CALB2: variants seen among roughly 807,000 people sequenced by gnomAD.
CALB2 encodes calretinin.
In CALB2, 34 loss-of-function variants were observed where a neutral mutation model predicts 45.9. That is an observed-to-expected ratio of 0.74 (90% confidence interval 0.56 to 0.99). The LOEUF is 0.99. Ranked by LOEUF, CALB2 falls within the 50% of genes least tolerant of loss-of-function variation. CALB2 has a pLI of 0.00. For synonymous variants in CALB2, 142 were observed against 129.6 expected (o/e 1.10, Z -0.65); for missense variants, 344 against 339.3 (o/e 1.01, Z -0.11).
chr16:71,361,904 C>A (rs954597623), intron 1 of CALB2, among the ~76,000 whole-genome samples: 1 of 152,140 alleles, frequency 6.6e-6, no homozygotes, highest in African/African-American at 2.4e-5. Context: ...GAAGGGGGAA[C>A]CAGGAATCTG....
At chr16:71,372,112 T>C in intron 1 of CALB2, 41 bp from the exon 2 acceptor site, 1 of 1,190,214 alleles carries the variant, frequency 8.4e-7, no homozygotes, top group South Asian at 1.2e-5. Flanking sequence ...CCCCCCTTAC[T>C]ATTTAGTGCT....
chr16:71,383,150 C>T (rs963259891), intron 5 of CALB2, among the ~76,000 whole-genome samples: 1 of 152,136 alleles, frequency 6.6e-6, no homozygotes, highest in Non-Finnish European at 1.5e-5. Context: ...CAATCTCTAG[C>T]GCCTATTCTG....
intron 4 of CALB2, among the ~76,000 whole-genome samples, chr16:71,381,597 G>T (rs1013450315): frequency 6.6e-6 from 1 of 152,100 alleles, no homozygotes; most frequent in Non-Finnish European, 1.5e-5. Flanking sequence ...GGAGGCAGGG[G>T]ATAAGATGTA....
At chr16:71,388,732 G>A (rs2042600201) in intron 10 of CALB2, among the ~76,000 whole-genome samples, 1 of 151,756 alleles carries the variant, frequency 6.6e-6, no homozygotes, top group South Asian at 2.1e-4. Flanking sequence ...TGTAATCACA[G>A]CACTTTGGGA....
chr16:71,384,987 C>T, intron 9 of CALB2, 151 bp downstream of exon 9: 2 of 712,234 alleles, frequency 2.8e-6, no homozygotes, highest in South Asian at 1.6e-5. Flanking sequence ...TATGAGAAGG[C>T]AAATGTCATT....
At chr16:71,366,244 T>C (rs956971651) in intron 1 of CALB2, among the ~76,000 whole-genome samples, 7 of 150,442 alleles carry the variant, frequency 4.7e-5, no homozygotes, top group Non-Finnish European at 8.9e-5. Flanking sequence ...GCCAGGATGG[T>C]CTCAATCTCC....
intron 4 of CALB2, among the ~76,000 whole-genome samples, chr16:71,382,057 AGAGGGGGAGGGG>A (rs750415458): frequency 1.1e-5 from 1 of 90,340 alleles, no homozygotes; most frequent in Non-Finnish European, 2.1e-5. Context: ...GAGGAGGAGG[AGAGGGGGAGGGG>A]GAGGGGGAGG....
chr16:71,385,345 C>T lies in CALB2; in HGVS notation c.628-232C>T, dbSNP rs182417157. On this transcript the variant is annotated intron_variant, in intron 9 of 10. Coordinates refer to ENST00000302628, the MANE Select transcript of CALB2 (RefSeq NM_001740.5). ...TCTTGAATCTCACTTAAATTTTCAACGCACATGAAAAGCACCACAATGAAA... is the reference window on the plus strand; with the variant it reads ...TCTTGAATCTCACTTAAATTTTCAATGCACATGAAAAGCACCACAATGAAA... 418 of 465,626 alleles carry T rather than the reference C, an allele frequency of 9.0e-4. 1 individual carries two copies. The highest frequency in any genetic ancestry group is 1.4e-3 in the Non-Finnish European group (359 of 262,200). The allele number at this position is 465,626 out of a possible 1,614,324, so 28.8% of individuals were successfully genotyped here.
intron 1 of CALB2, among the ~76,000 whole-genome samples, chr16:71,371,381 T>G: frequency 6.6e-6 from 1 of 152,192 alleles, no homozygotes; most frequent in East Asian, 1.9e-4. Flanking sequence ...AGGACTGTTA[T>G]AGCAAGGCAC....
intron 1 of CALB2, 25 bp downstream of exon 1, chr16:71,358,911 G>T: frequency 6.2e-7 from 1 of 1,601,906 alleles, no homozygotes; most frequent in African/African-American, 1.3e-5. Context: ...CAACTTCTGT[G>T]CCCATTGGCA....
chr16:71,364,527 C>T (rs954727765), intron 1 of CALB2, among the ~76,000 whole-genome samples: 4 of 152,192 alleles, frequency 2.6e-5, no homozygotes, highest in Admixed American at 6.5e-5. Flanking sequence ...TTTGCCAAGC[C>T]GGCCCATCTG....
chr16:71,381,389 G>A (rs1231037452), intron 4 of CALB2, among the ~76,000 whole-genome samples: 4 of 146,080 alleles, frequency 2.7e-5, no homozygotes, highest in African/African-American at 7.7e-5. Context: ...CTTTTCTTGG[G>A]ATTTGCTCCT....
chr16:71,358,836 A>G lies in CALB2; in HGVS notation c.44A>G (p.Glu15Gly). The stretch of plus-strand genomic sequence containing the variant: ...CAGCCCCCTTACCTGCACCTGGCCG[A>G]GCTGACGGCGTCCCAGTTCCTGGAA... ...QQQPPYLHLAELTASQFLEIW... is the reference protein window; with the variant it reads ...QQQPPYLHLAGLTASQFLEIW... The change falls in exon 1 of 11, where the codon GAG becomes GGG. Residue 15 changes from glutamate to glycine, a missense_variant. Physicochemically the swap from Glu to Gly is moderately conservative, Grantham distance 98. Coordinates refer to ENST00000302628, the MANE Select transcript of CALB2 (RefSeq NM_001740.5). The G allele has an allele frequency of 4.3e-6, 7 of 1,612,692 alleles. No homozygotes were observed. The highest frequency in any genetic ancestry group is 5.9e-6 in the Non-Finnish European group (7 of 1,179,756).
chr16:71,370,975 T>C (rs1287984265), intron 1 of CALB2, among the ~76,000 whole-genome samples: 4 of 152,192 alleles, frequency 2.6e-5, no homozygotes, highest in African/African-American at 7.2e-5. Flanking sequence ...CCTCGGGACC[T>C]GGTTCTGATC....
chr16:71,370,883 C>T (rs1253906462), intron 1 of CALB2, among the ~76,000 whole-genome samples: 1 of 152,188 alleles, frequency 6.6e-6, no homozygotes, highest in African/African-American at 2.4e-5. Flanking sequence ...CAGTCCTGGT[C>T]TCTAGTAGAC....
chr16:71,358,742 A>G lies in CALB2; in HGVS notation c.-51A>G. 1.4e-6 allele frequency: 2 copies of G among 1,457,936 alleles called. No homozygotes were observed. Among genetic ancestry groups the G allele is most frequent in the Non-Finnish European group, 1.9e-6 (2 of 1,060,526 alleles). The allele number at this position is 1,457,936 out of a possible 1,614,324, so 90.3% of individuals were successfully genotyped here. On this transcript the variant is annotated 5_prime_UTR_variant, in exon 1 of 11. Transcript: ENST00000302628. ...AACCCCAGCGCGAGTGCCAGAGCCC[A>G]GCCGGCGCGGAGCGGGAGCGGTGCA... is the stretch of plus-strand genomic sequence containing the variant.
At chr16:71,371,600 A>G (rs541871692) in intron 1 of CALB2, among the ~76,000 whole-genome samples, 2 of 151,920 alleles carry the variant, frequency 1.3e-5, no homozygotes, top group Non-Finnish European at 2.9e-5. Context: ...CCATCTTCAC[A>G]TGGTCTTCTT....
chr16:71,361,044 G>A (rs2144946544), intron 1 of CALB2, among the ~76,000 whole-genome samples: 1 of 152,298 alleles, frequency 6.6e-6, no homozygotes, highest in East Asian at 1.9e-4. Context: ...GGCTTGGCTA[G>A]AGTGTAGTTA....
At chr16:71,389,640 A>T in intron 10 of CALB2, 109 bp from the exon 11 acceptor site, 1 of 807,154 alleles carries the variant, frequency 1.2e-6, no homozygotes, top group Non-Finnish European at 2.2e-6. Flanking sequence ...TTATCCTGGG[A>T]TGAGATGAGA....
Sources: allele counts gnomAD v4.1 joint callset (sites outside exome capture counted in the v4.1 genomes callset), GRCh38; gene constraint gnomAD v4.1.1; transcripts MANE v1.5; gene names NCBI Gene and HGNC (gene_info 2026-07-23, HGNC 2026-07-21).